ASB18: variants seen among roughly 807,000 people sequenced by gnomAD.
The protein encoded by ASB18 is ankyrin repeat and SOCS box containing 18.
A neutral mutation model predicts 33.4 loss-of-function variants in ASB18; 33 were observed. The ratio of observed to expected loss-of-function variants is 0.99; its 90% CI spans 0.75 to 1.32. The LOEUF (loss-of-function observed/expected upper bound fraction) is 1.32, where lower values mean the gene tolerates loss of function less well. Ranked by LOEUF, ASB18 falls within the 40% of genes most tolerant of loss-of-function variation. The pLI, the probability that ASB18 is intolerant of heterozygous loss-of-function variation, is 0.00. For synonymous variants in ASB18, 295 were observed against 307.6 expected (o/e 0.96, Z 0.43); for missense variants, 694 against 655.5 (o/e 1.06, Z -0.64).
Position 236,263,005 on chromosome 2 carries a change from C to A in ASB18, c.205+1136G>T, listed in dbSNP as rs368002869. Among the ~76,000 whole-genome samples, 3 of 152,136 alleles carry A rather than the reference C, an allele frequency of 2.0e-5. No individual in the cohort carries two copies. Among genetic ancestry groups the A allele is most frequent in the Non-Finnish European group, 4.4e-5 (3 of 68,004 alleles). On this transcript the variant is annotated intron_variant, in intron 1 of 5. Coordinates refer to ENST00000409749, the MANE Select transcript of ASB18 (RefSeq NM_212556.4). This position sits in a 1 kb window ranked among gnomAD's most constrained non-coding sequence, Gnocchi z 4.0. Reference sequence around the variant, plus strand: ...CCATCTGTGTTCCTCCTGCATGTTGCGCACACGTGTGCATGTGATGCATGT... The same window carrying A: ...CCATCTGTGTTCCTCCTGCATGTTGAGCACACGTGTGCATGTGATGCATGT...
chr2:236,207,142 C>G (rs1254927233), intron 4 of ASB18, among the ~76,000 whole-genome samples: 1 of 152,226 alleles, frequency 6.6e-6, no homozygotes, highest in Non-Finnish European at 1.5e-5. Flanking sequence ...GGGGCTTTCC[C>G]TTTCCCCCTG....
rs1268264525 is a variant in ASB18, at chr2:236,250,684, C to T, written c.206-9282G>A. On this transcript the variant is annotated intron_variant, in intron 1 of 5. Coordinates refer to ENST00000409749, the MANE Select transcript of ASB18 (RefSeq NM_212556.4). This position sits in a 1 kb window ranked among gnomAD's most constrained non-coding sequence, Gnocchi z 4.1. The stretch of plus-strand genomic sequence containing the variant: ...AGTTACTTTCACACCCTCTTCTGGT[C>T]TTTATTCTTCCTGTTTTAATGTCTA... 1 of 152,118 alleles carries T rather than the reference C, an allele frequency of 6.6e-6. No individual in the cohort carries two copies. The allele number at this position is 152,118 out of a possible 1,614,324, so 9.4% of individuals were successfully genotyped here. A position where few individuals can be genotyped will look rare whatever the true frequency, so the allele number is the denominator to read the frequency against.
Position 236,256,542 on chromosome 2 carries a change from C to T in ASB18, c.205+7599G>A, listed in dbSNP as rs1396988594. On this transcript the variant is annotated intron_variant, in intron 1 of 5. Transcript: ENST00000409749. The surrounding 1 kb of genome is among the most constrained non-coding windows in gnomAD (Gnocchi z 4.7). ...CAGAGCACTTGTGGCAGGAAACTGT[C>T]GTCATCTCAGAAAGGTAGAAAAGCC... 3.9e-5 allele frequency among the ~76,000 whole-genome samples: 6 copies of T among 152,170 alleles called. No individual in the cohort carries two copies. The highest frequency in any genetic ancestry group is 2.1e-4 in the South Asian group (1 of 4,828).
At position 236,220,509 on chromosome 2, in the gene ASB18, C is replaced by T. The variant is rs1368261531; in HGVS notation, c.597-5643G>A. ...CCTGGAAATGCTGCTTCTCTGCCTC[C>T]TGGTTCTGAACTGAAAGGTCTTTTG... On this transcript the variant is annotated intron_variant, in intron 3 of 5. Transcript: ENST00000409749. The surrounding 1 kb of genome is among the most constrained non-coding windows in gnomAD (Gnocchi z 5.1). Among the ~76,000 whole-genome samples, 1 of 152,168 alleles carries T rather than the reference C, an allele frequency of 6.6e-6. No individual in the cohort carries two copies. Among genetic ancestry groups the T allele is most frequent in the Non-Finnish European group, 1.5e-5 (1 of 68,030 alleles).
chr2:236,233,137 A>T (rs1307783085), intron 3 of ASB18, among the ~76,000 whole-genome samples: 1 of 152,162 alleles, frequency 6.6e-6, no homozygotes, highest in Non-Finnish European at 1.5e-5. Context: ...TTGGTTTAAC[A>T]TTTGAAAATT....
rs532480717 is a variant in ASB18, at chr2:236,219,665, A to T, written c.597-4799T>A. Among the ~76,000 whole-genome samples, 1 of 152,280 alleles carries T rather than the reference A, an allele frequency of 6.6e-6. No individual in the cohort carries two copies. Among genetic ancestry groups the T allele is most frequent in the East Asian group, 1.9e-4 (1 of 5,176 alleles). On this transcript the variant is annotated intron_variant, in intron 3 of 5. Transcript: ENST00000409749. This position sits in a 1 kb window ranked among gnomAD's most constrained non-coding sequence, Gnocchi z 6.4. ...GGGAAAGCTTACTGTTTGTCATTTC[A>T]TTGCCTTCTCTGTATCAATGCCACC...
Position 236,264,326 on chromosome 2 carries a change from A to G in ASB18, c.20T>C (p.Leu7Pro). The stretch of plus-strand genomic sequence containing the variant: ...ATCTGAGTTGAGTGGGTAGTCGGGA[A>G]GGTAATCCGAGTTGGACATTGTTAC... MSNSDY[L>P]PDYPLNSDLV... The change falls in exon 1 of 6, where the codon CTT becomes CCT. Residue 7 changes from leucine to proline, a missense_variant. Physicochemically the swap from Leu to Pro is moderately conservative, Grantham distance 98 (BLOSUM62 -3). Transcript: ENST00000409749. This position sits in a 1 kb window ranked among gnomAD's most constrained non-coding sequence, Gnocchi z 5.1. 6.2e-7 allele frequency: 1 copy of G among 1,611,494 alleles called. No homozygotes were observed. Among genetic ancestry groups the G allele is most frequent in the Non-Finnish European group, 8.5e-7 (1 of 1,178,304 alleles).
Position 236,248,254 on chromosome 2 carries a change from G to T in ASB18, c.206-6852C>A, listed in dbSNP as rs547871773. On this transcript the variant is annotated intron_variant, in intron 1 of 5. Coordinates refer to ENST00000409749, the MANE Select transcript of ASB18 (RefSeq NM_212556.4). The surrounding 1 kb of genome is among the most constrained non-coding windows in gnomAD (Gnocchi z 4.9). ...GCCTGGAGCCCACCTGGTAGTTTCAGGCATAATGGGTTGGAGGTGCAGCCT... is the reference window on the plus strand; with the variant it reads ...GCCTGGAGCCCACCTGGTAGTTTCATGCATAATGGGTTGGAGGTGCAGCCT... The T allele has an allele frequency of 6.6e-5, 10 of 152,348 alleles. No homozygotes were observed. Among genetic ancestry groups the T allele is most frequent in the African/African-American group, 2.4e-4 (10 of 41,558 alleles). 9.4% of individuals were successfully genotyped at this position (152,348 alleles called of 1,614,324 possible).
rs915896638 is a variant in ASB18 at position 236,209,618 on chromosome 2, C to T, written c.1101+4744G>A. Among the ~76,000 whole-genome samples, 10 of 152,198 alleles carry T rather than the reference C, an allele frequency of 6.6e-5. No individual in the cohort carries two copies. The highest frequency in any genetic ancestry group is 2.4e-4 in the African/African-American group (10 of 41,448). ...ATCCCCCATGCAAGCTATGTGAATC[C>T]CTTACCTGGACTGCCACCACAGCCT... On this transcript the variant is annotated intron_variant, in intron 4 of 5. Transcript: ENST00000409749. The surrounding 1 kb of genome is among the most constrained non-coding windows in gnomAD (Gnocchi z 4.4).
rs935072499 is a variant in ASB18, at chr2:236,259,130, G to A, written c.205+5011C>T. ...ACTAACCAATTGGTATTGAAAAGAGGCAAGCACAAATAATGCAGTTGTTGC... is the reference window on the plus strand; with the variant it reads ...ACTAACCAATTGGTATTGAAAAGAGACAAGCACAAATAATGCAGTTGTTGC... On this transcript the variant is annotated intron_variant, in intron 1 of 5. Transcript: ENST00000409749. This position sits in a 1 kb window ranked among gnomAD's most constrained non-coding sequence, Gnocchi z 4.4. 1.3e-5 allele frequency among the ~76,000 whole-genome samples: 2 copies of A among 152,174 alleles called. No homozygotes were observed. Among genetic ancestry groups the A allele is most frequent in the African/African-American group, 4.8e-5 (2 of 41,434 alleles).
chr2:236,240,776 T>C (rs1301922020), intron 2 of ASB18, among the ~76,000 whole-genome samples: 2 of 152,218 alleles, frequency 1.3e-5, no homozygotes, highest in African/African-American at 4.8e-5. Context: ...TCCTTCCCCA[T>C]TCTTGGGATT....
intron 3 of ASB18, among the ~76,000 whole-genome samples, chr2:236,218,759 C>G (rs2060498802): frequency 2.1e-5 from 3 of 141,182 alleles, no homozygotes; most frequent in Non-Finnish European, 3.0e-5. Flanking sequence ...GATCACACCA[C>G]TGCACTCTAG....
rs1285322993 is a variant in ASB18, at chr2:236,213,414, T to C, written c.1101+948A>G. 2.0e-5 allele frequency among the ~76,000 whole-genome samples: 3 copies of C among 152,192 alleles called. No individual in the cohort carries two copies. The highest frequency in any genetic ancestry group is 6.5e-5 in the Admixed American group (1 of 15,288). ...ACACTGTACTTTTGAATATTAGCTT[T>C]TCAGCTATTTGTTCAAAACTAATCA... On this transcript the variant is annotated intron_variant, in intron 4 of 5. Transcript: ENST00000409749. This position sits in a 1 kb window ranked among gnomAD's most constrained non-coding sequence, Gnocchi z 4.8.
chr2:236,199,628 C>T (rs972266260), intron 4 of ASB18, among the ~76,000 whole-genome samples: 2 of 150,530 alleles, frequency 1.3e-5, no homozygotes, highest in Non-Finnish European at 2.9e-5. Context: ...GCACACTTTT[C>T]TCATTTGAAA....
In ASB18 at chr2:236,237,652, C is replaced by A; in HGVS notation, c.596+37G>T. On this transcript the variant is annotated intron_variant, in intron 3 of 5. Coordinates refer to ENST00000409749, the MANE Select transcript of ASB18 (RefSeq NM_212556.4). This position sits in a 1 kb window ranked among gnomAD's most constrained non-coding sequence, Gnocchi z 6.2. ...GGGAGGCGGGCGTCTGGTCTCGGGG[C>A]GGGGCGGACGCCGCGGGCCTGTCCC... The A allele has an allele frequency of 7.7e-7, 1 of 1,299,094 alleles. No individual in the cohort carries two copies. The highest frequency in any genetic ancestry group is 3.5e-5 in the East Asian group (1 of 28,596). The allele number at this position is 1,299,094 out of a possible 1,614,324, so 80.5% of individuals were successfully genotyped here.
intron 4 of ASB18, among the ~76,000 whole-genome samples, chr2:236,201,605 C>CT (rs1318328067): frequency 1.3e-5 from 2 of 148,720 alleles, no homozygotes; most frequent in Non-Finnish European, 2.9e-5. Context: ...TAGACAATGT[C>CT]TGTTTTGGCA....
rs1263463574 is a variant in ASB18, at chr2:236,220,544, G to A, written c.597-5678C>T. On this transcript the variant is annotated intron_variant, in intron 3 of 5. Transcript: ENST00000409749. The surrounding 1 kb of genome is among the most constrained non-coding windows in gnomAD (Gnocchi z 5.1). ...ACTGAAAGGTCTTTTGGATTCCCCA[G>A]TACTTGGCCTTTTTTTTTTTTTTTA... 7.0e-6 allele frequency among the ~76,000 whole-genome samples: 1 copy of A among 142,670 alleles called. No homozygotes were observed. The highest frequency in any genetic ancestry group is 1.5e-5 in the Non-Finnish European group (1 of 67,522). The allele number at this position is 142,670 out of a possible 152,430, so 93.6% of individuals were successfully genotyped here.
rs1001958180 is a variant in ASB18, at chr2:236,217,042, A to G, written c.597-2176T>C. Among the ~76,000 whole-genome samples, 1 of 152,204 alleles carries G rather than the reference A, an allele frequency of 6.6e-6. No homozygotes were observed. Among genetic ancestry groups the G allele is most frequent in the African/African-American group, 2.4e-5 (1 of 41,450 alleles). On this transcript the variant is annotated intron_variant, in intron 3 of 5. Transcript: ENST00000409749. The surrounding 1 kb of genome is among the most constrained non-coding windows in gnomAD (Gnocchi z 5.2). The stretch of plus-strand genomic sequence containing the variant: ...TGGAAGCCTTCCTGTGCCACCAGGT[A>G]GAGGGGTCACACCTCTGTGTTGTCA...
rs781181556 is a variant in ASB18 at position 236,234,773 on chromosome 2, T to C, written c.596+2916A>G. Among the ~76,000 whole-genome samples, 2 of 152,184 alleles carry C rather than the reference T, an allele frequency of 1.3e-5. No individual in the cohort carries two copies. Among genetic ancestry groups the C allele is most frequent in the Non-Finnish European group, 2.9e-5 (2 of 68,040 alleles). ...AAAAAGCTTCAATCCCTACCTCACA[T>C]CATATTCAGAAATGAACTCAAAATG... On this transcript the variant is annotated intron_variant, in intron 3 of 5. Transcript: ENST00000409749. The surrounding 1 kb of genome is among the most constrained non-coding windows in gnomAD (Gnocchi z 4.1).
Sources: gnomAD v4.1 joint callset for allele counts (sites outside exome capture counted in the v4.1 genomes callset) on GRCh38, gnomAD v4.1.1 for gene constraint, Gnocchi (gnomAD v3.1) non-coding constraint, MANE v1.5 for transcripts, NCBI Gene and HGNC (gene_info 2026-07-23, HGNC 2026-07-21) for gene names.